Variants in FAM227A observed in about 807,000 individuals in gnomAD.
The protein encoded by FAM227A is protein FAM227A.
FAM227A carries 80 observed loss-of-function variants against 74.7 expected under a neutral mutation model. The observed-to-expected ratio is 1.07, with a 90% CI of 0.89 to 1.29. The LOEUF (loss-of-function observed/expected upper bound fraction) is 1.29, where lower values mean the gene tolerates loss of function less well. Among genes scored for constraint, FAM227A ranks in the 50% most tolerant of loss-of-function variants. The pLI is 0.00. For synonymous variants in FAM227A, 237 were observed against 241.8 expected (o/e 0.98, Z 0.19); for missense variants, 654 against 683.4 (o/e 0.96, Z 0.48).
chr22:38,641,899 C>T (rs778848585), intron 3 of FAM227A, among the ~76,000 whole-genome samples: 1 of 151,998 alleles, frequency 6.6e-6, no homozygotes, highest in Non-Finnish European at 1.5e-5. Flanking sequence ...TGGGAGCCTG[C>T]TACACAACAG....
intron 16 of FAM227A, among the ~76,000 whole-genome samples, chr22:38,587,634 T>G (rs749231716): frequency 1.3e-4 from 20 of 152,336 alleles, no homozygotes; most frequent in Non-Finnish European, 1.6e-4. Flanking sequence ...GCTTCATTTG[T>G]GAATTCTACC....
chr22:38,596,350 A>G (rs1460981864), intron 15 of FAM227A, among the ~76,000 whole-genome samples: 3 of 152,078 alleles, frequency 2.0e-5, no homozygotes, highest in African/African-American at 4.8e-5. Flanking sequence ...ATAATTTGTG[A>G]TTCTTGATTG....
rs1453866965 is a variant in FAM227A at position 38,628,299 on chromosome 22, T to C, written c.665A>G (p.Gln222Arg). 1.9e-6 allele frequency: 3 copies of C among 1,551,520 alleles called. No individual in the cohort carries two copies. In the African/African-American group the frequency reaches 4.1e-5, roughly 21 times the overall value. The change falls in exon 8 of 17, where the codon CAG (glutamine) becomes CGG (arginine). Residue 222 changes from glutamine (Q) to arginine (R), a missense_variant. Coordinates refer to ENST00000535113, the MANE Select transcript of FAM227A (RefSeq NM_001013647.2). ...LQNNLFDRIA[Q>R]HYALLLFRVP... ...ACGAAACAAAAGTAAGGCATAGTGC[T>C]GGGCTATCCGGTCAAACAGATTATT...
rs1200049254 is a variant in FAM227A, at chr22:38,613,264, A to AT, written c.1039-5789_1039-5788insA. On this transcript the variant is annotated intron_variant, in intron 11 of 16. Transcript: ENST00000535113. ...ATATATAATATATAACATATATTAT[A>AT]ACATATATTATATATCATATATAAT... Among the ~76,000 whole-genome samples the AT allele has an allele frequency of 2.5e-3, 208 of 84,222 alleles. 3 individuals carry two copies. Among genetic ancestry groups the AT allele is most frequent in the African/African-American group, 9.3e-3 (178 of 19,128 alleles). 55.3% of individuals were successfully genotyped at this position (84,222 alleles called of 152,430 possible). A position where few individuals can be genotyped will look rare whatever the true frequency, so the allele number is the denominator to read the frequency against.
At position 38,582,486 on chromosome 22, in the gene FAM227A, C is replaced by T. The variant is rs976744565; in HGVS notation, c.*3639G>A. On this transcript the variant is annotated 3_prime_UTR_variant, in exon 17 of 17. Transcript: ENST00000535113. ...GCAAATGCTTTTTAAATGTTAGTTC[C>T]CTTTGATGCTCTACCCCGCTTCCCT... The T allele has an allele frequency of 6.3e-6, 9 of 1,428,736 alleles. No homozygotes were observed. The highest frequency in any genetic ancestry group is 7.7e-6 in the Non-Finnish European group (8 of 1,042,506). 88.5% of individuals were successfully genotyped at this position (1,428,736 alleles called of 1,614,324 possible).
At chr22:38,592,328 AAT>A (rs2090956775) in intron 15 of FAM227A, among the ~76,000 whole-genome samples, 1 of 152,214 alleles carries the variant, frequency 6.6e-6, no homozygotes, top group South Asian at 2.1e-4. Flanking sequence ...TTGACAAAAA[AAT>A]CTTTACTACA....
intron 3 of FAM227A, among the ~76,000 whole-genome samples, chr22:38,641,167 G>T (rs1173791662): frequency 2.0e-5 from 3 of 152,050 alleles, no homozygotes; most frequent in African/African-American, 7.2e-5. Context: ...AGCAAGTTTT[G>T]GGGGGAAAGA....
chr22:38,638,870 C>T (rs1231140501), intron 4 of FAM227A, 48 bp from the exon 5 acceptor site: 1 of 1,253,206 alleles, frequency 8.0e-7, no homozygotes, highest in Non-Finnish European at 1.1e-6. Flanking sequence ...CAGGGTCTGT[C>T]CACAGCTGTG....
chr22:38,648,824 T>C (rs1384051727), intron 2 of FAM227A, among the ~76,000 whole-genome samples: 1 of 150,906 alleles, frequency 6.6e-6, no homozygotes, highest in Non-Finnish European at 1.5e-5. Flanking sequence ...AATACAAAAA[T>C]TAGCCAGACG....
Position 38,582,086 on chromosome 22 carries a change from T to G in FAM227A, c.*4039A>C. The G allele has an allele frequency of 2.5e-6, 1 of 401,050 alleles. No homozygotes were observed. Among genetic ancestry groups the G allele is most frequent in the East Asian group, 4.1e-5 (1 of 24,108 alleles). The allele number at this position is 401,050 out of a possible 1,614,324, so 24.8% of individuals were successfully genotyped here. On this transcript the variant is annotated 3_prime_UTR_variant, in exon 17 of 17. Coordinates refer to ENST00000535113, the MANE Select transcript of FAM227A (RefSeq NM_001013647.2). The stretch of plus-strand genomic sequence containing the variant: ...GCTTTATCGAAGTATAATTGACATA[T>G]GAGAAACTGCACACATTTAAAGTGT...
chr22:38,630,934 G>A (rs1241889382), intron 6 of FAM227A, among the ~76,000 whole-genome samples: 3 of 152,228 alleles, frequency 2.0e-5, no homozygotes, highest in Non-Finnish European at 2.9e-5. Flanking sequence ...TTGGGAGGCC[G>A]AGGCAGGTGG....
intron 1 of FAM227A, chr22:38,653,940 A>T (rs1448854959): frequency 6.6e-6 from 1 of 152,182 alleles, no homozygotes; most frequent in Non-Finnish European, 1.5e-5. Context: ...CATAATTATG[A>T]GTTATAACTG....
At chr22:38,606,936 TGA>T (rs1371601765) in intron 12 of FAM227A, among the ~76,000 whole-genome samples, 7 of 152,094 alleles carry the variant, frequency 4.6e-5, no homozygotes, top group African/African-American at 1.7e-4. Flanking sequence ...CCCAGCACTT[TGA>T]GAGGCCGAGG....
chr22:38,616,965 A>G (rs1346738882), intron 11 of FAM227A, among the ~76,000 whole-genome samples: 2 of 151,912 alleles, frequency 1.3e-5, no homozygotes, highest in African/African-American at 4.8e-5. Context: ...GGTGGTGGGA[A>G]GGCACGGGCC....
chr22:38,638,223 G>A (rs1013238238), intron 5 of FAM227A, among the ~76,000 whole-genome samples: 7 of 152,158 alleles, frequency 4.6e-5, no homozygotes, highest in East Asian at 1.9e-4. Context: ...GGGGCTGTGC[G>A]GTGGGGCCAG....
intron 15 of FAM227A, among the ~76,000 whole-genome samples, chr22:38,594,480 T>C (rs1473090330): frequency 6.6e-6 from 1 of 152,246 alleles, no homozygotes; most frequent in African/African-American, 2.4e-5. Context: ...TGTGACCATC[T>C]TTCCTTGTAA....
intron 10 of FAM227A, among the ~76,000 whole-genome samples, chr22:38,621,988 G>A (rs71319007): frequency 6.6e-6 from 1 of 152,038 alleles, no homozygotes; most frequent in African/African-American, 2.4e-5. Flanking sequence ...AGATCATGAA[G>A]AGGTGAGGTT....
rs183571627 is a variant in FAM227A, at chr22:38,604,281, G to A, written c.1221+973C>T. On this transcript the variant is annotated intron_variant, in intron 13 of 16. Coordinates refer to ENST00000535113, the MANE Select transcript of FAM227A (RefSeq NM_001013647.2). ...GGTGGAGGTTACAGTGAGCTGAGAC[G>A]GCACCACTGCACTCCAGCCTGGGTG... Among the ~76,000 whole-genome samples the A allele has an allele frequency of 7.9e-5, 12 of 152,108 alleles. No homozygotes were observed. The East Asian group carries it at 1.7e-3, about 22-fold the overall frequency.
intron 12 of FAM227A, among the ~76,000 whole-genome samples, chr22:38,606,647 G>GA (rs1193153776): frequency 6.6e-6 from 1 of 152,188 alleles, no homozygotes; most frequent in Non-Finnish European, 1.5e-5. Flanking sequence ...ATTGCCAGGG[G>GA]AATTGCAAGT....
Sources: gnomAD v4.1 joint callset for allele counts (sites outside exome capture counted in the v4.1 genomes callset) on GRCh38, gnomAD v4.1.1 for gene constraint, MANE v1.5 for transcripts, NCBI Gene and HGNC (gene_info 2026-07-23, HGNC 2026-07-21) for gene names.